The following ZBTB20 variants were observed in gnomAD, a reference collection of about 807,000 sequenced individuals.
ZBTB20 encodes zinc finger and BTB domain-containing protein 20.
ZBTB20 carries 9 observed loss-of-function variants against 56.9 expected under a neutral mutation model. The observed-to-expected ratio is 0.16, with a 90% CI of 0.10 to 0.28. ZBTB20 has a LOEUF of 0.28. Among genes scored for constraint, ZBTB20 ranks in the 10% least tolerant of loss-of-function variants. The pLI, the probability that ZBTB20 is intolerant of heterozygous loss-of-function variation, is 1.00. For missense variants in ZBTB20, 655 were observed against 1,003.0 expected (o/e 0.65, Z 4.69); for synonymous variants, 417 against 420.7 (o/e 0.99, Z 0.11).
chr3:114,705,138 T>TC, intron 5 of ZBTB20, among the ~76,000 whole-genome samples: 1 of 152,282 alleles, frequency 6.6e-6, no homozygotes, highest in Middle Eastern at 3.4e-3. Flanking sequence ...CCCATGTTTT[T>TC]CTCACTTAAC....
chr3:114,886,857 T>C (rs2076620555), intron 4 of ZBTB20, among the ~76,000 whole-genome samples: 1 of 152,020 alleles, frequency 6.6e-6, no homozygotes, highest in Admixed American at 6.6e-5. Flanking sequence ...AGGGGAAAAA[T>C]AATTAACATG....
intron 7 of ZBTB20, among the ~76,000 whole-genome samples, chr3:114,460,773 T>C (rs912896530): frequency 6.6e-6 from 1 of 152,350 alleles, no homozygotes; most frequent in Non-Finnish European, 1.5e-5. Flanking sequence ...GCTACCTTGA[T>C]CTGGACATAA....
intron 7 of ZBTB20, among the ~76,000 whole-genome samples, chr3:114,438,415 C>CCAAAAAAAAAA (rs2090669205): frequency 1.5e-4 from 4 of 25,974 alleles, no homozygotes; most frequent in Admixed American, 5.8e-4. Context: ...TCACTCCTTG[C>CCAAAAAAAAAA]CAAAAAAAAA....
intron 2 of ZBTB20, among the ~76,000 whole-genome samples, chr3:114,989,303 T>C (rs1286798524): frequency 6.6e-6 from 1 of 152,192 alleles, no homozygotes; most frequent in Non-Finnish European, 1.5e-5. Flanking sequence ...GGGATCCAGT[T>C]TCAGCTTTCT....
intron 3 of ZBTB20, among the ~76,000 whole-genome samples, chr3:114,906,671 G>A (rs1400394647): frequency 6.6e-6 from 1 of 151,444 alleles, no homozygotes; most frequent in Non-Finnish European, 1.5e-5. Flanking sequence ...AGGAGAAGGG[G>A]CTCACTATTG....
chr3:114,895,538 A>G (rs2074840481), intron 4 of ZBTB20, among the ~76,000 whole-genome samples: 1 of 152,176 alleles, frequency 6.6e-6, no homozygotes. Flanking sequence ...TGGCATGTAT[A>G]GTTAGAAATT....
intron 4 of ZBTB20, among the ~76,000 whole-genome samples, chr3:114,880,840 T>C (rs2076370481): frequency 6.6e-6 from 1 of 152,146 alleles, no homozygotes; most frequent in Admixed American, 6.5e-5. Flanking sequence ...TAATCCTATG[T>C]TGTTGCATGC....
intron 4 of ZBTB20, among the ~76,000 whole-genome samples, 155 bp downstream of exon 4, chr3:114,900,149 A>AAT (rs2075050421): frequency 6.6e-6 from 1 of 152,144 alleles, no homozygotes; most frequent in Non-Finnish European, 1.5e-5. Flanking sequence ...ATATGTATAA[A>AAT]ATGTACTATC....
intron 4 of ZBTB20, among the ~76,000 whole-genome samples, chr3:114,819,719 T>C (rs537336952): frequency 6.6e-6 from 1 of 152,004 alleles, no homozygotes; most frequent in South Asian, 2.1e-4. Flanking sequence ...GAATATTTAC[T>C]AAATTTCAAG....
In ZBTB20 at chr3:114,956,012, A is replaced by C. The variant is rs117397480; in HGVS notation, c.-456+18354T>G. ...ATTAATAGATGGATCTGAAACACCC[A>C]TATATCATGCTAAAGATTTAGTATT... On this transcript the variant is annotated intron_variant, in intron 3 of 11. Transcript: ENST00000675478. Among the ~76,000 whole-genome samples the C allele has an allele frequency of 2.3e-3, 352 of 152,320 alleles. 8 individuals carry two copies. In the East Asian group the frequency reaches 0.055, roughly 24 times the overall value.
chr3:114,920,398 T>G (rs1442755315), intron 3 of ZBTB20, among the ~76,000 whole-genome samples: 1 of 152,016 alleles, frequency 6.6e-6, no homozygotes, highest in East Asian at 1.9e-4. Context: ...CTTAACAAAT[T>G]TAGAAAAAAC....
intron 7 of ZBTB20, among the ~76,000 whole-genome samples, chr3:114,470,680 C>T (rs1370264706): frequency 6.6e-6 from 1 of 151,916 alleles, no homozygotes; most frequent in African/African-American, 2.4e-5. Context: ...TCTTTTTGTC[C>T]ATGGATTTTA....
chr3:114,419,067 C>T (rs1008336110), intron 7 of ZBTB20: 6 of 152,084 alleles, frequency 3.9e-5, no homozygotes, highest in Admixed American at 2.0e-4. Context: ...ATTAAGACTG[C>T]CATTTAATGT....
At chr3:114,757,766 C>T (rs1212064505) in intron 5 of ZBTB20, among the ~76,000 whole-genome samples, 1 of 152,054 alleles carries the variant, frequency 6.6e-6, no homozygotes, top group African/African-American at 2.4e-5. Flanking sequence ...CTAACCAATA[C>T]AATATTACTT....
intron 3 of ZBTB20, among the ~76,000 whole-genome samples, chr3:114,910,250 A>G (rs1368939243): frequency 3.9e-5 from 6 of 151,928 alleles, no homozygotes; most frequent in African/African-American, 1.2e-4. Flanking sequence ...AATTATAAAG[A>G]TATCACATAT....
At chr3:114,928,878 C>T (rs2107794301) in intron 3 of ZBTB20, among the ~76,000 whole-genome samples, 1 of 152,252 alleles carries the variant, frequency 6.6e-6, no homozygotes, top group Non-Finnish European at 1.5e-5. Flanking sequence ...TAAACAAAAA[C>T]CAGGATAAAC....
At chr3:114,883,620 C>A (rs2076480341) in intron 4 of ZBTB20, among the ~76,000 whole-genome samples, 1 of 151,932 alleles carries the variant, frequency 6.6e-6, no homozygotes, top group African/African-American at 2.4e-5. Flanking sequence ...TAGTAATATC[C>A]ATCTTGTTTT....
At chr3:114,852,373 C>T (rs938711346) in intron 4 of ZBTB20, among the ~76,000 whole-genome samples, 2 of 152,054 alleles carry the variant, frequency 1.3e-5, no homozygotes, top group Non-Finnish European at 2.9e-5. Flanking sequence ...AAGTGATTCT[C>T]CTGCCTCAGT....
At chr3:114,855,539 T>C (rs1175097639) in intron 4 of ZBTB20, among the ~76,000 whole-genome samples, 2 of 152,176 alleles carry the variant, frequency 1.3e-5, no homozygotes, top group African/African-American at 4.8e-5. Context: ...TCCGAGTGAT[T>C]CCTGGAACTT....
Sources: allele counts gnomAD v4.1 joint callset (sites outside exome capture counted in the v4.1 genomes callset), GRCh38; gene constraint gnomAD v4.1.1; transcripts MANE v1.5; gene names NCBI Gene and HGNC (gene_info 2026-07-23, HGNC 2026-07-21).